Variants in NRBP1 observed in about 807,000 individuals in gnomAD.
NRBP1 encodes nuclear receptor binding protein 1, also known as nuclear receptor-binding protein.
A neutral mutation model predicts 76.0 loss-of-function variants in NRBP1; 10 were observed. The observed-to-expected ratio is 0.13, with a 90% CI of 0.08 to 0.22. The LOEUF (loss-of-function observed/expected upper bound fraction) is 0.22. NRBP1 is among the 10% of genes least tolerant of loss of function. The probability of loss-of-function intolerance (pLI) is 1.00; values close to 1 mark genes in which losing one functional copy is unlikely to be tolerated. For synonymous variants in NRBP1, 235 were observed against 240.2 expected (o/e 0.98, Z 0.20); for missense variants, 344 against 646.0 (o/e 0.53, Z 5.07).
At chr2:27,435,499 G>T (rs1172303709) in intron 7 of NRBP1, 1 of 612,318 alleles carries the variant, frequency 1.6e-6, no homozygotes, top group Non-Finnish European at 2.9e-6. Flanking sequence ...TAGGTTTGAG[G>T]TTTGATTTGA....
rs1457584656 is a variant in NRBP1 at position 27,434,710 on chromosome 2, A to C, written c.526-12A>C. On this transcript the variant is annotated splice_polypyrimidine_tract_variant and intron_variant, in intron 5 of 17. Transcript: ENST00000379852. ...GAATTACTGCTGACCCTTGGATCCA[A>C]CTTTGTTCCAGGCATGGAAGCGTTG... 6.2e-7 allele frequency: 1 copy of C among 1,614,140 alleles called. No individual in the cohort carries two copies. Among genetic ancestry groups the C allele is most frequent in the South Asian group, 1.1e-5 (1 of 91,084 alleles).
Position 27,437,303 on chromosome 2 carries a change from T to C in NRBP1, c.846T>C (p.Tyr282=), listed in dbSNP as rs763678223. 1.2e-6 allele frequency: 2 copies of C among 1,613,894 alleles called. No individual in the cohort carries two copies. Among genetic ancestry groups the C allele is most frequent in the South Asian group, 1.1e-5 (1 of 91,060 alleles). Residue 282 remains tyrosine (Y), a synonymous_variant, in exon 10 of 18, where the codon TAT becomes TAC. Coordinates refer to ENST00000379852, the MANE Select transcript of NRBP1 (RefSeq NM_013392.4). The part of the protein sequence containing the change: ...LEIQGNGESS[Y]VPQEAISSAI... ...TTCAGGGCAATGGAGAGTCCTCATATGTGCCACAGGAAGCCATCAGCAGTG... is the reference window on the plus strand; with the variant it reads ...TTCAGGGCAATGGAGAGTCCTCATACGTGCCACAGGAAGCCATCAGCAGTG...
rs1224868880 is a variant in NRBP1, at chr2:27,434,757, C to G, written c.561C>G (p.Ala187=). The G allele has an allele frequency of 6.2e-7, 1 of 1,614,160 alleles. No homozygotes were observed. The highest frequency in any genetic ancestry group is 1.1e-5 in the South Asian group (1 of 91,080). Reference sequence around the variant, plus strand: ...GTTGGTGCACACAAATCCTCTCTGCCCTAAGGTAAGTAGTACCTGGTTAGT... The same window carrying G: ...GTTGGTGCACACAAATCCTCTCTGCGCTAAGGTAAGTAGTACCTGGTTAGT... ...WKRWCTQILS[A]LSYLHSCDPP... is the part of the protein sequence containing the mutation. The change falls in exon 6 of 18, where the codon GCC becomes GCG. Residue 187 remains alanine (A), a synonymous_variant. Coordinates refer to ENST00000379852, the MANE Select transcript of NRBP1 (RefSeq NM_013392.4).
At chr2:27,441,468 G>A in intron 16 of NRBP1, 99 bp from the exon 17 acceptor site, 3 of 1,468,530 alleles carry the variant, frequency 2.0e-6, no homozygotes, top group Non-Finnish European at 2.9e-6. Context: ...TAAAGCAGTG[G>A]GTGGATCTGA....
intron 6 of NRBP1, 121 bp from the exon 7 acceptor site, chr2:27,435,010 CAG>C (rs1317412447): frequency 1.5e-6 from 1 of 671,420 alleles, no homozygotes; most frequent in African/African-American, 1.8e-5. Context: ...AATGGAGATT[CAG>C]AGTGTGGGGA....
At chr2:27,430,469 C>CTT (rs977927783) in intron 1 of NRBP1, among the ~76,000 whole-genome samples, 10 of 138,696 alleles carry the variant, frequency 7.2e-5, no homozygotes, top group Non-Finnish European at 9.3e-5. Flanking sequence ...TTCTTTTTTT[C>CTT]TTTTTTTTTT....
At chr2:27,435,795 C>G (rs1335634973) in intron 7 of NRBP1, 1 of 717,574 alleles carries the variant, frequency 1.4e-6, no homozygotes, top group Admixed American at 2.0e-5. Flanking sequence ...GCTCCCTCTG[C>G]TCCCTTGGCG....
Position 27,439,898 on chromosome 2 carries a change from C to T in NRBP1, c.1036C>T (p.His346Tyr), listed in dbSNP as rs772672860. The change falls in exon 11 of 18, where the codon CAC becomes TAC. Residue 346 changes from histidine to tyrosine, a missense_variant and splice_region_variant. His to Tyr is a moderately conservative substitution (Grantham distance 83). Coordinates refer to ENST00000379852, the MANE Select transcript of NRBP1 (RefSeq NM_013392.4). Reference protein sequence around the residue: ...LAAHCIVGHQHMIPENALEEI... With the variant: ...LAAHCIVGHQYMIPENALEEI... ...GGCCCACTGCATTGTGGGACACCAA[C>T]GTGAGTCGTCTTGGCCCTATGGGGA... 1.4e-5 allele frequency: 22 copies of T among 1,607,260 alleles called. No individual in the cohort carries two copies. Among genetic ancestry groups the T allele is most frequent in the Admixed American group, 3.3e-5 (2 of 59,736 alleles).
At chr2:27,431,536 G>T (rs576721492) in intron 1 of NRBP1, 9 of 149,134 alleles carry the variant, frequency 6.0e-5, no homozygotes, top group East Asian at 5.9e-4. Context: ...ATGAGTGAAT[G>T]AAAAAAAAAA....
intron 2 of NRBP1, 67 bp downstream of exon 2, chr2:27,433,550 G>A (rs1664188628): frequency 6.2e-7 from 1 of 1,604,346 alleles, no homozygotes; most frequent in African/African-American, 1.3e-5. Flanking sequence ...GAAGAGCAAA[G>A]TCTTAAAAGA....
chr2:27,440,548 C>T, intron 12 of NRBP1, 40 bp downstream of exon 12: 6 of 1,593,238 alleles, frequency 3.8e-6, no homozygotes, highest in East Asian at 2.2e-5. Flanking sequence ...AGATTGGTCA[C>T]GACCACTCTT....
chr2:27,440,999 T>C, intron 14 of NRBP1, 59 bp downstream of exon 14: 8 of 1,611,050 alleles, frequency 5.0e-6, no homozygotes, highest in South Asian at 1.1e-5. Context: ...AGAGAGGACA[T>C]CTCAAATAAG....
At chr2:27,441,521 T>C in intron 16 of NRBP1, 46 bp from the exon 17 acceptor site, 1 of 1,600,324 alleles carries the variant, frequency 6.2e-7, no homozygotes, top group Admixed American at 1.7e-5. Context: ...GGGCCCCAGG[T>C]CCCTCAGTCC....
chr2:27,436,864 T>A, intron 8 of NRBP1, 28 bp downstream of exon 8: 1 of 1,598,400 alleles, frequency 6.3e-7, no homozygotes, highest in Non-Finnish European at 8.6e-7. Flanking sequence ...CTCTGCCCTG[T>A]CCTCATCCCC....
At position 27,433,934 on chromosome 2, in the gene NRBP1, A is replaced by T. The variant is rs984668001; in HGVS notation, c.334-55A>T. The stretch of plus-strand genomic sequence containing the variant: ...GGGGAGGGATAGGGAATGGCTTCTC[A>T]GGATTATTACAGTGATTTGTGACTC... On this transcript the variant is annotated intron_variant, in intron 3 of 17. Coordinates refer to ENST00000379852, the MANE Select transcript of NRBP1 (RefSeq NM_013392.4). 3 of 1,574,622 alleles carry T rather than the reference A, an allele frequency of 1.9e-6. No homozygotes were observed. The African/African-American group carries it at 5.0e-5, about 26-fold the overall frequency.
intron 7 of NRBP1, chr2:27,435,801 T>G (rs539160026): frequency 5.6e-6 from 4 of 717,552 alleles, no homozygotes; most frequent in Non-Finnish European, 1.0e-5. Context: ...TCTGCTCCCT[T>G]GGCGGCTGCC....
At chr2:27,436,588 A>G in intron 7 of NRBP1, 165 bp from the exon 8 acceptor site, 1 of 614,258 alleles carries the variant, frequency 1.6e-6, no homozygotes, top group Non-Finnish European at 2.9e-6. Flanking sequence ...GGTGGCATCC[A>G]TGTGTGGTCT....
At chr2:27,441,663 C>T (rs763356340) in intron 17 of NRBP1, 41 bp downstream of exon 17, 2 of 1,612,498 alleles carry the variant, frequency 1.2e-6, no homozygotes, top group East Asian at 4.5e-5. Flanking sequence ...GCCCCCATGC[C>T]TTCTCTTCTC....
chr2:27,429,423 G>GA (rs1664015293), intron 1 of NRBP1: 1 of 152,552 alleles, frequency 6.6e-6, no homozygotes, highest in African/African-American at 2.4e-5. Context: ...TTGACACGCA[G>GA]AGGGGCTGCT....
Sources: allele counts gnomAD v4.1 joint callset (sites outside exome capture counted in the v4.1 genomes callset), GRCh38; gene constraint gnomAD v4.1.1; transcripts MANE v1.5; gene names NCBI Gene and HGNC (gene_info 2026-07-23, HGNC 2026-07-21).